ITPR1: variants seen among roughly 807,000 people sequenced by gnomAD.
ITPR1 encodes the protein inositol 1,4,5-trisphosphate receptor type 1.
Under a neutral mutation model 318.4 loss-of-function variants are expected in ITPR1, and 96 were observed. The observed-to-expected ratio is 0.30, with a 90% CI of 0.26 to 0.36. ITPR1 has a LOEUF of 0.36. Ranked by LOEUF, ITPR1 falls within the 10% of genes least tolerant of loss-of-function variation. The pLI, the probability that ITPR1 is intolerant of heterozygous loss-of-function variation, is 1.00. For synonymous variants in ITPR1, 1,312 were observed against 1,289.9 expected, an observed-to-expected ratio of 1.02 and a Z score of -0.37; for missense variants, 2,440 against 3,460.2, an observed-to-expected ratio of 0.71 and a Z score of 7.40.
chr3:4,508,285 G>T (rs1252068778), intron 2 of ITPR1, among the ~76,000 whole-genome samples: 1 of 152,016 alleles, frequency 6.6e-6, no homozygotes, highest in African/African-American at 2.4e-5. Context: ...TGGTTTTGGG[G>T]TCCCTTAACT....
intron 60 of ITPR1, among the ~76,000 whole-genome samples, chr3:4,831,734 G>A (rs1367951822): frequency 3.3e-5 from 5 of 152,224 alleles, no homozygotes; most frequent in African/African-American, 1.2e-4. Context: ...TTCAGACGCT[G>A]GCTGGCTGGA....
At chr3:4,601,175 C>CTTT (rs68165287) in intron 4 of ITPR1, among the ~76,000 whole-genome samples, 2,534 of 119,704 alleles carry the variant, frequency 0.021, 139 homozygotes, top group African/African-American at 0.067. Flanking sequence ...GAAAAATATT[C>CTTT]TTTTTTTTTT....
intron 3 of ITPR1, among the ~76,000 whole-genome samples, chr3:4,517,066 A>G (rs2082222213): frequency 6.6e-6 from 1 of 152,224 alleles, no homozygotes; most frequent in Non-Finnish European, 1.5e-5. Context: ...TGCTGTATGC[A>G]TTTGAAAATT....
chr3:4,613,488 C>T (rs558412293), intron 4 of ITPR1, among the ~76,000 whole-genome samples: 42 of 152,108 alleles, frequency 2.8e-4, no homozygotes, highest in Non-Finnish European at 5.6e-4. Context: ...TGTTGCTGCT[C>T]CTCTAGGCAC....
At chr3:4,608,958 C>T (rs371268575) in intron 4 of ITPR1, among the ~76,000 whole-genome samples, 19 of 139,692 alleles carry the variant, frequency 1.4e-4, no homozygotes, top group African/African-American at 4.8e-4. Flanking sequence ...GCCGAGATCA[C>T]GCACTGCACT....
At chr3:4,788,543 C>G (rs1258954568) in intron 52 of ITPR1, among the ~76,000 whole-genome samples, 1 of 152,200 alleles carries the variant, frequency 6.6e-6, no homozygotes, top group Non-Finnish European at 1.5e-5. Context: ...TCCAGAGACT[C>G]TGGTATTTTC....
intron 60 of ITPR1, among the ~76,000 whole-genome samples, chr3:4,834,589 T>A (rs2050757752): frequency 6.6e-6 from 1 of 152,118 alleles, no homozygotes; most frequent in Admixed American, 6.5e-5. Flanking sequence ...ATGTGTGCCC[T>A]CTTCTGAAAA....
At chr3:4,688,713 G>A (rs1184258199) in intron 31 of ITPR1, 93 bp downstream of exon 31, 36 of 1,276,620 alleles carry the variant, frequency 2.8e-5, no homozygotes, top group Non-Finnish European at 3.7e-5. Flanking sequence ...TGTGGCTTCT[G>A]GGGCTTGTTA....
At chr3:4,569,013 C>T (rs1390199250) in intron 4 of ITPR1, among the ~76,000 whole-genome samples, 3 of 152,132 alleles carry the variant, frequency 2.0e-5, no homozygotes, top group Non-Finnish European at 4.4e-5. Flanking sequence ...CGCTCTTAAA[C>T]GACCAGATCT....
intron 35 of ITPR1, among the ~76,000 whole-genome samples, chr3:4,701,287 T>C (rs2094647023): frequency 6.6e-6 from 1 of 152,354 alleles, no homozygotes; most frequent in East Asian, 1.9e-4. Context: ...CAGGCGATAA[T>C]GCACTGCTTC....
In ITPR1 at chr3:4,674,926, A is replaced by G. The variant is rs918823764; in HGVS notation, c.2599-142A>G. 1.5e-5 allele frequency: 8 copies of G among 544,006 alleles called. No homozygotes were observed. In the Admixed American group the frequency reaches 1.9e-4, roughly 13 times the overall value. The allele number at this position is 544,006 out of a possible 1,614,324, so 33.7% of individuals were successfully genotyped here. On this transcript the variant is annotated intron_variant, in intron 22 of 61. Coordinates refer to ENST00000649015, the MANE Select transcript of ITPR1 (RefSeq NM_001378452.1). ...TTATGAAACAAAATGAAAATTTATC[A>G]GAAAGTGCAAGGAAAATACATGCCT...
At chr3:4,837,007 A>C in intron 61 of ITPR1, 72 bp downstream of exon 61, 1 of 1,303,736 alleles carries the variant, frequency 7.7e-7, no homozygotes, top group Non-Finnish European at 1.0e-6. Context: ...ACCACACCAA[A>C]TCTGATGAGG....
At chr3:4,528,635 C>A (rs1462134578) in intron 4 of ITPR1, among the ~76,000 whole-genome samples, 1 of 152,096 alleles carries the variant, frequency 6.6e-6, no homozygotes, top group Non-Finnish European at 1.5e-5. Flanking sequence ...TGATTCTAAT[C>A]CATGACAGGC....
At chr3:4,596,622 T>A (rs550605610) in intron 4 of ITPR1, among the ~76,000 whole-genome samples, 1 of 152,234 alleles carries the variant, frequency 6.6e-6, no homozygotes, top group African/African-American at 2.4e-5. Flanking sequence ...GTCATATGGG[T>A]TATATGACTG....
At chr3:4,747,746 G>A (rs560812999) in intron 44 of ITPR1, among the ~76,000 whole-genome samples, 1 of 152,194 alleles carries the variant, frequency 6.6e-6, no homozygotes, top group Admixed American at 6.5e-5. Context: ...CAGGTCTTAG[G>A]AAAGTTAATG....
intron 38 of ITPR1, among the ~76,000 whole-genome samples, chr3:4,711,174 G>A (rs1574966290): frequency 7.4e-6 from 1 of 135,250 alleles, no homozygotes; most frequent in Non-Finnish European, 1.5e-5. Context: ...TCGCGCTACT[G>A]CACTCCAGCC....
chr3:4,524,601 T>C (rs1436325257), intron 4 of ITPR1, among the ~76,000 whole-genome samples: 3 of 152,216 alleles, frequency 2.0e-5, no homozygotes, highest in African/African-American at 7.2e-5. Context: ...TTGGGTTTGC[T>C]CTTGCTTCCA....
At chr3:4,671,324 A>G (rs1256039771) in intron 20 of ITPR1, among the ~76,000 whole-genome samples, 1 of 152,180 alleles carries the variant, frequency 6.6e-6, no homozygotes, top group South Asian at 2.1e-4. Context: ...GATAGTGCCA[A>G]TCTCACCAAA....
At chr3:4,690,628 G>T (rs2094466159) in intron 31 of ITPR1, among the ~76,000 whole-genome samples, 2 of 152,166 alleles carry the variant, frequency 1.3e-5, no homozygotes, top group Non-Finnish European at 2.9e-5. Flanking sequence ...GAAGACATGT[G>T]TAAGAATGTT....
Sources: allele counts gnomAD v4.1 joint callset (sites outside exome capture counted in the v4.1 genomes callset), GRCh38; gene constraint gnomAD v4.1.1; transcripts MANE v1.5; gene names NCBI Gene and HGNC (gene_info 2026-07-23, HGNC 2026-07-21).